Variants in PELI2 observed in about 807,000 individuals in gnomAD.
PELI2 encodes the protein pellino E3 ubiquitin protein ligase family member 2.
A neutral mutation model predicts 42.3 loss-of-function variants in PELI2; 23 were observed. The observed-to-expected ratio is 0.54, with a 90% CI of 0.39 to 0.77. The LOEUF (loss-of-function observed/expected upper bound fraction) is 0.77. Among genes scored for constraint, PELI2 ranks in the 30% least tolerant of loss-of-function variants. PELI2 has a pLI of 0.00. For synonymous variants in PELI2, 245 were observed against 212.2 expected, an observed-to-expected ratio of 1.15 and a Z score of -1.34; for missense variants, 463 against 553.2, an observed-to-expected ratio of 0.84 and a Z score of 1.64.
chr14:56,119,560 T>C (rs1455096782), intron 1 of PELI2, among the ~76,000 whole-genome samples: 3 of 152,238 alleles, frequency 2.0e-5, no homozygotes, highest in Admixed American at 1.3e-4. Context: ...AGATAGTAAT[T>C]ATGTACAATC....
intron 2 of PELI2, 27 bp downstream of exon 2, chr14:56,178,491 G>T: frequency 4.3e-6 from 7 of 1,613,330 alleles, no homozygotes; most frequent in Non-Finnish European, 5.9e-6. Context: ...AGAGTTGGGA[G>T]GGTGCTGGCA....
At position 56,246,182 on chromosome 14, in the gene PELI2, C is replaced by T. The variant is rs1417024703; in HGVS notation, c.208-33494C>T. Among the ~76,000 whole-genome samples the T allele has an allele frequency of 2.6e-5, 4 of 152,210 alleles. No individual in the cohort carries two copies. The East Asian group carries it at 7.7e-4, about 29-fold the overall frequency. ...TCTCCATGTACTTTCTCTCATGGGG[C>T]AAACAGAGGTTGTAAAGTTTGCTAT... On this transcript the variant is annotated intron_variant, in intron 2 of 5. Transcript: ENST00000267460.
chr14:56,261,472 C>T (rs111913696), intron 2 of PELI2, among the ~76,000 whole-genome samples: 57 of 152,248 alleles, frequency 3.7e-4, no homozygotes, highest in African/African-American at 1.3e-3. Flanking sequence ...TCAACTACAT[C>T]GCTTTTCAAG....
intron 1 of PELI2, among the ~76,000 whole-genome samples, chr14:56,132,032 A>C (rs1391703185): frequency 6.6e-6 from 1 of 152,148 alleles, no homozygotes; most frequent in Non-Finnish European, 1.5e-5. Context: ...ACTAATTATA[A>C]ATTAGTAAAT....
chr14:56,172,408 CATGTTGTTAGTAAGCAAACCACT>C (rs1206024946), intron 1 of PELI2, among the ~76,000 whole-genome samples: 2 of 152,174 alleles, frequency 1.3e-5, no homozygotes, highest in Non-Finnish European at 2.9e-5. Context: ...ACTTCCTTTG[CATGTTGTTAGTAAGCAAACCACT>C]AGAGCCAGCC....
intron 2 of PELI2, among the ~76,000 whole-genome samples, chr14:56,221,304 AAGG>A (rs35150011): frequency 0.032 from 4,803 of 152,250 alleles, 124 homozygotes; most frequent in Non-Finnish European, 0.052. Context: ...CACTTGGAGA[AAGG>A]AGGATAAGTG....
chr14:56,191,100 C>A (rs757632399), intron 2 of PELI2, among the ~76,000 whole-genome samples: 3 of 152,166 alleles, frequency 2.0e-5, no homozygotes, highest in Non-Finnish European at 4.4e-5. Flanking sequence ...TGCCCTTTCC[C>A]TACCTTGCAT....
chr14:56,132,130 TGGA>T (rs1883508973), intron 1 of PELI2, among the ~76,000 whole-genome samples: 1 of 152,168 alleles, frequency 6.6e-6, no homozygotes. Flanking sequence ...ACAGCAGCCC[TGGA>T]GGAGGAGATG....
Position 56,290,404 on chromosome 14 carries a change from G to C in PELI2, c.644G>C (p.Gly215Ala). The C allele has an allele frequency of 3.7e-6, 6 of 1,613,728 alleles. No homozygotes were observed. The highest frequency in any genetic ancestry group is 8.5e-7 in the Non-Finnish European group (1 of 1,179,708). Residue 215 changes from glycine (G) to alanine (A), a missense_variant, in exon 5 of 6, where the codon GGA (glycine) becomes GCA (alanine). Gly to Ala is a moderately conservative substitution (Grantham distance 60). Around this residue, in one of 3 missense-constraint regions of PELI2, gnomAD observed 343 missense variants for 378.4 expected, o/e 0.91. Coordinates refer to ENST00000267460, the MANE Select transcript of PELI2 (RefSeq NM_021255.3). ...PGVWREISVC[G>A]DVYTLRETRS... ...GTCTGGCGCGAGATCTCTGTCTGTG[G>C]AGATGTGTACACCTTGCGAGAAACC...
chr14:56,276,034 G>A (rs537363666), intron 2 of PELI2, among the ~76,000 whole-genome samples: 1 of 152,266 alleles, frequency 6.6e-6, no homozygotes, highest in East Asian at 1.9e-4. Context: ...GCTCAAGTCA[G>A]TGAATCTGTC....
rs1288727439 is a variant in PELI2, at chr14:56,118,636, G to GGCGTCGGCGGCC, written c.-23_-12dup. 6.6e-6 allele frequency: 9 copies of GGCGTCGGCGGCC among 1,355,862 alleles called. No individual in the cohort carries two copies. In the African/African-American group the frequency reaches 1.2e-4, roughly 19 times the overall value. 84.0% of individuals were successfully genotyped at this position (1,355,862 alleles called of 1,614,324 possible). A position where few individuals can be genotyped will look rare whatever the true frequency, so the allele number is the denominator to read the frequency against. On this transcript the variant is annotated 5_prime_UTR_variant, in exon 1 of 6. Transcript: ENST00000267460. Reference sequence around the variant, plus strand: ...CGGCGGAGGCGGCGGCGTCGGCGGCGGCGTCGGCGGCCGAGCGGGGCTCCA... The same window carrying GGCGTCGGCGGCC: ...CGGCGGAGGCGGCGGCGTCGGCGGCGGCGTCGGCGGCCGCGTCGGCGGCCGAGCGGGGCTCCA...
At chr14:56,119,951 G>GT in intron 1 of PELI2, 3 of 453,152 alleles carry the variant, frequency 6.6e-6, no homozygotes, top group South Asian at 1.9e-4. Context: ...GTGCCTTGAA[G>GT]TAAGTGCTGA....
At chr14:56,209,668 G>A (rs1482715581) in intron 2 of PELI2, among the ~76,000 whole-genome samples, 1 of 152,084 alleles carries the variant, frequency 6.6e-6, no homozygotes, top group Non-Finnish European at 1.5e-5. Flanking sequence ...AAGCTTTTGG[G>A]GATTTTCCAG....
At chr14:56,124,558 T>C (rs1239834741) in intron 1 of PELI2, among the ~76,000 whole-genome samples, 2 of 152,202 alleles carry the variant, frequency 1.3e-5, no homozygotes, top group African/African-American at 2.4e-5. Context: ...TGATACATGG[T>C]TCATTTATTT....
chr14:56,147,846 T>C (rs988445370), intron 1 of PELI2, among the ~76,000 whole-genome samples: 1 of 152,206 alleles, frequency 6.6e-6, no homozygotes, highest in Non-Finnish European at 1.5e-5. Context: ...TGTTATGTTA[T>C]TACCCATGTG....
intron 2 of PELI2, among the ~76,000 whole-genome samples, chr14:56,230,805 C>A (rs1887533770): frequency 6.6e-6 from 1 of 152,256 alleles, no homozygotes; most frequent in East Asian, 1.9e-4. Flanking sequence ...CACAGACTGG[C>A]AAATTGGATA....
chr14:56,243,332 T>C (rs900429984), intron 2 of PELI2, among the ~76,000 whole-genome samples: 1 of 151,950 alleles, frequency 6.6e-6, no homozygotes, highest in African/African-American at 2.4e-5. Context: ...TGTGAGGGGG[T>C]TGGGATGACG....
intron 2 of PELI2, among the ~76,000 whole-genome samples, chr14:56,258,365 A>T (rs562334346): frequency 6.6e-6 from 1 of 152,318 alleles, no homozygotes; most frequent in South Asian, 2.1e-4. Flanking sequence ...GAAGTAGTAA[A>T]ATAAGACCTA....
At chr14:56,290,559 C>A in intron 5 of PELI2, 103 bp downstream of exon 5, 1 of 789,168 alleles carries the variant, frequency 1.3e-6, no homozygotes, top group Non-Finnish European at 1.9e-6. Context: ...TGTGCAGGTC[C>A]AAGCGCCATG....
Sources: allele counts gnomAD v4.1 joint callset (sites outside exome capture counted in the v4.1 genomes callset), GRCh38; gene constraint gnomAD v4.1.1; regional missense constraint gnomAD v4.1.1; transcripts MANE v1.5; gene names NCBI Gene and HGNC (gene_info 2026-07-23, HGNC 2026-07-21).